GAS2: variants seen among roughly 807,000 people sequenced by gnomAD.
GAS2 encodes the protein growth arrest-specific protein 2.
A neutral mutation model predicts 37.5 loss-of-function variants in GAS2; 20 were observed. The ratio of observed to expected loss-of-function variants is 0.53; its 90% CI spans 0.37 to 0.77. The LOEUF (loss-of-function observed/expected upper bound fraction) is 0.77, where lower values mean the gene tolerates loss of function less well. GAS2 is among the 30% of genes least tolerant of loss of function. GAS2 has a pLI of 0.00. For synonymous variants in GAS2, 144 were observed against 132.2 expected (o/e 1.09, Z -0.61); for missense variants, 336 against 373.4 (o/e 0.90, Z 0.82).
intron 2 of GAS2, among the ~76,000 whole-genome samples, chr11:22,683,351 C>T (rs995779040): frequency 3.9e-5 from 6 of 152,090 alleles, no homozygotes; most frequent in Non-Finnish European, 5.9e-5. Flanking sequence ...CTGCAACCTC[C>T]GCCTCCCAGG....
At chr11:22,747,310 A>G (rs1853462602) in intron 5 of GAS2, among the ~76,000 whole-genome samples, 1 of 152,156 alleles carries the variant, frequency 6.6e-6, no homozygotes, top group Non-Finnish European at 1.5e-5. Context: ...CTCTACCACT[A>G]TGTTTGCAGT....
At chr11:22,791,247 G>A (rs1192245897) in intron 7 of GAS2, among the ~76,000 whole-genome samples, 1 of 152,106 alleles carries the variant, frequency 6.6e-6, no homozygotes, top group Non-Finnish European at 1.5e-5. Context: ...GTGTAGAGGG[G>A]ATGGGGGTGT....
intron 1 of GAS2, among the ~76,000 whole-genome samples, chr11:22,669,679 G>A (rs1036881684): frequency 2.1e-4 from 32 of 152,226 alleles, no homozygotes; most frequent in Admixed American, 7.2e-4. Context: ...TATTAATTAC[G>A]AGGAGTTTGA....
At chr11:22,651,941 G>C (rs1011735490) in intron 1 of GAS2, among the ~76,000 whole-genome samples, 13 of 152,194 alleles carry the variant, frequency 8.5e-5, no homozygotes, top group Non-Finnish European at 1.6e-4. Context: ...TCTCCATCCA[G>C]CTTTGTTCTG....
intron 7 of GAS2, among the ~76,000 whole-genome samples, chr11:22,802,095 AAT>A (rs1751082712): frequency 6.6e-6 from 1 of 152,082 alleles, no homozygotes; most frequent in South Asian, 2.1e-4. Context: ...GAAACAAAGA[AAT>A]GATTTACAGT....
intron 7 of GAS2, among the ~76,000 whole-genome samples, chr11:22,783,469 C>T (rs1050854819): frequency 6.6e-6 from 1 of 152,028 alleles, no homozygotes; most frequent in African/African-American, 2.4e-5. Context: ...TATCAATTTT[C>T]GCTTTTATTG....
At chr11:22,730,265 A>T (rs1173530226) in intron 4 of GAS2, among the ~76,000 whole-genome samples, 1 of 151,858 alleles carries the variant, frequency 6.6e-6, no homozygotes, top group Non-Finnish European at 1.5e-5. Context: ...CAAACTTAAG[A>T]TAGTGAAGAA....
chr11:22,712,510 A>G (rs941093690), intron 3 of GAS2, among the ~76,000 whole-genome samples: 1 of 152,220 alleles, frequency 6.6e-6, no homozygotes, highest in Non-Finnish European at 1.5e-5. Context: ...GGAGAGCACC[A>G]CATCAAAGGA....
intron 7 of GAS2, among the ~76,000 whole-genome samples, chr11:22,759,197 T>C (rs1854232742): frequency 1.3e-5 from 2 of 152,182 alleles, no homozygotes; most frequent in South Asian, 4.1e-4. Context: ...CGGGAAGATA[T>C]TTTCTGCAGA....
intron 7 of GAS2, among the ~76,000 whole-genome samples, chr11:22,765,785 AAAAG>A (rs1444189210): frequency 6.6e-6 from 1 of 151,938 alleles, no homozygotes; most frequent in Non-Finnish European, 1.5e-5. Context: ...TCAAAAAAAA[AAAAG>A]AAAAGACAGA....
At chr11:22,724,492 T>A (rs1852100129) in intron 3 of GAS2, among the ~76,000 whole-genome samples, 1 of 122,994 alleles carries the variant, frequency 8.1e-6, no homozygotes, top group Admixed American at 9.2e-5. Context: ...TATATTTTAA[T>A]TTTAATACAT....
At chr11:22,759,949 T>A (rs1437760392) in intron 7 of GAS2, among the ~76,000 whole-genome samples, 1 of 152,066 alleles carries the variant, frequency 6.6e-6, no homozygotes, top group Non-Finnish European at 1.5e-5. Flanking sequence ...AATAATAATG[T>A]CTGTGGTATT....
chr11:22,806,868 A>G (rs1215087326), intron 7 of GAS2, among the ~76,000 whole-genome samples: 1 of 152,220 alleles, frequency 6.6e-6, no homozygotes, highest in Non-Finnish European at 1.5e-5. Flanking sequence ...ATCTCCCAAG[A>G]GTAGCCAAAA....
intron 1 of GAS2, among the ~76,000 whole-genome samples, chr11:22,647,848 A>G (rs1406522767): frequency 1.3e-5 from 2 of 152,140 alleles, no homozygotes; most frequent in Admixed American, 1.3e-4. Flanking sequence ...AGTAGGTTGC[A>G]AAAATTTTCT....
At chr11:22,656,209 G>C (rs1848852689) in intron 1 of GAS2, among the ~76,000 whole-genome samples, 1 of 152,114 alleles carries the variant, frequency 6.6e-6, no homozygotes, top group South Asian at 2.1e-4. Flanking sequence ...CTTATATTTT[G>C]GGGGTTTAAA....
chr11:22,642,643 C>T (rs574217292), intron 1 of GAS2, among the ~76,000 whole-genome samples: 1 of 151,940 alleles, frequency 6.6e-6, no homozygotes, highest in Admixed American at 6.6e-5. Context: ...AATCAGCAAT[C>T]GATACCAGCT....
chr11:22,760,867 A>C (rs780006862), intron 7 of GAS2, among the ~76,000 whole-genome samples: 3 of 152,210 alleles, frequency 2.0e-5, no homozygotes, highest in Non-Finnish European at 4.4e-5. Flanking sequence ...TTTGAGAATA[A>C]ATTAAAAGCC....
At chr11:22,774,136 G>A (rs893035461) in intron 7 of GAS2, among the ~76,000 whole-genome samples, 4 of 152,160 alleles carry the variant, frequency 2.6e-5, no homozygotes, top group African/African-American at 9.7e-5. Flanking sequence ...TGAGATTACA[G>A]GAGCATGCCA....
At chr11:22,646,186 A>C (rs1197576142) in intron 1 of GAS2, among the ~76,000 whole-genome samples, 1 of 152,174 alleles carries the variant, frequency 6.6e-6, no homozygotes, top group South Asian at 2.1e-4. Context: ...GGAGAATATC[A>C]TGTAATATCT....
Sources: allele counts gnomAD v4.1 joint callset (sites outside exome capture counted in the v4.1 genomes callset), GRCh38; gene constraint gnomAD v4.1.1; transcripts MANE v1.5; gene names NCBI Gene and HGNC (gene_info 2026-07-23, HGNC 2026-07-21).